Variants in KANK1 observed in about 807,000 individuals in gnomAD.
KANK1 encodes the protein KN motif and ankyrin repeat domains 1, also known as KN motif and ankyrin repeat domain-containing protein 1.
A neutral mutation model predicts 106.2 loss-of-function variants in KANK1; 109 were observed. The observed-to-expected ratio is 1.03, with a 90% CI of 0.88 to 1.20. The LOEUF (loss-of-function observed/expected upper bound fraction) is 1.20. Ranked by LOEUF, KANK1 falls within the 50% of genes most tolerant of loss-of-function variation. The pLI is 0.00. For missense variants in KANK1, 2,399 were observed against 1,710.7 expected, an observed-to-expected ratio of 1.40 and a Z score of -7.10; for synonymous variants, 873 against 652.2, an observed-to-expected ratio of 1.34 and a Z score of -5.16.
Position 480,745 on chromosome 9 carries a change from A to G in KANK1, c.-362+7472A>G, listed in dbSNP as rs138251355. Among the ~76,000 whole-genome samples the G allele has an allele frequency of 1.4e-3, 206 of 152,240 alleles. 1 individual carries two copies. Among genetic ancestry groups the G allele is most frequent in the African/African-American group, 4.6e-3 (191 of 41,548 alleles). ...TAGGCAGGGGAGCCGTGTATTAGAG[A>G]CGTTGTGGGGAAGATCTCCACATTT... On this transcript the variant is annotated intron_variant, in intron 3 of 15. Coordinates refer to the KANK1 transcript ENST00000382303.
At position 713,155 on chromosome 9, in the gene KANK1, G is replaced by A. The variant is rs540922500; in HGVS notation, c.2389G>A (p.Val797Met). Residue 797 changes from valine to methionine, a missense_variant, in exon 3 of 12, where the codon GTG becomes ATG. Val to Met is a conservative substitution (Grantham distance 21). Transcript: ENST00000382297. ...GGGGCTGACAGCCAGCAGAAGGAGC[G>A]TGGGGGTTGGGGATGACCCTGTAGG... ...TVGLTASRRSVGVGDDPVGES... is the reference protein window; with the variant it reads ...TVGLTASRRSMGVGDDPVGES... 66 of 1,591,812 alleles carry A rather than the reference G, an allele frequency of 4.1e-5. 1 individual carries two copies. Among genetic ancestry groups the A allele is most frequent in the South Asian group, 1.7e-4 (15 of 86,382 alleles).
At chr9:691,779 A>T (rs562198828) in intron 2 of KANK1, among the ~76,000 whole-genome samples, 11 of 106,288 alleles carry the variant, frequency 1.0e-4, no homozygotes, top group Non-Finnish European at 2.2e-4. Context: ...ACACCTAGCT[A>T]ATTTTTTTTT....
At chr9:602,710 G>T (rs963984632) in intron 1 of KANK1, among the ~76,000 whole-genome samples, 5 of 151,848 alleles carry the variant, frequency 3.3e-5, no homozygotes, top group Admixed American at 6.5e-5. Context: ...ATAATTTTAT[G>T]TGTGAAGTCT....
At position 711,524 on chromosome 9, in the gene KANK1, C is replaced by T. The variant is rs546089068; in HGVS notation, c.758C>T (p.Thr253Ile). 3.7e-6 allele frequency: 6 copies of T among 1,613,816 alleles called. No individual in the cohort carries two copies. Among genetic ancestry groups the T allele is most frequent in the Non-Finnish European group, 5.1e-6 (6 of 1,179,872 alleles). ...PLSSGISTPVTNVSPMHLQHI... is the reference protein window; with the variant it reads ...PLSSGISTPVINVSPMHLQHI... ...AGCTCAGGGATCTCCACCCCAGTGA[C>T]CAACGTGAGCCCCATGCACCTGCAG... Residue 253 changes from threonine (T) to isoleucine (I), a missense_variant, in exon 3 of 12, where the codon ACC becomes ATC. Transcript: ENST00000382297.
chr9:730,047 A>G lies in KANK1; in HGVS notation c.2699-4A>G, dbSNP rs1831777461. 6.2e-7 allele frequency: 1 copy of G among 1,613,450 alleles called. No individual in the cohort carries two copies. Among genetic ancestry groups the G allele is most frequent in the Non-Finnish European group, 8.5e-7 (1 of 1,179,636 alleles). ...ACACTCTGTACCTTTCTTTTTCCTG[A>G]TAGGCAATTATTTGGGATATACCTG... On this transcript the variant is annotated splice_polypyrimidine_tract_variant and splice_region_variant and intron_variant, in intron 3 of 11. Transcript: ENST00000382297.
intron 1 of KANK1, among the ~76,000 whole-genome samples, chr9:523,161 C>A (rs931345897): frequency 8.6e-5 from 13 of 151,536 alleles, no homozygotes; most frequent in African/African-American, 3.2e-4. Context: ...ACTCCTTCCC[C>A]AGTATCTACA....
At chr9:620,483 A>C (rs147889766) in intron 1 of KANK1, among the ~76,000 whole-genome samples, 3,919 of 152,030 alleles carry the variant, frequency 0.026, 167 homozygotes, top group African/African-American at 0.088. Context: ...GCTCACGGCA[A>C]CCTACACCTC....
At chr9:644,221 C>T (rs530941690) in intron 1 of KANK1, among the ~76,000 whole-genome samples, 1 of 150,980 alleles carries the variant, frequency 6.6e-6, no homozygotes, top group South Asian at 2.1e-4. Flanking sequence ...GGTCTAGAGA[C>T]CGAACTATAG....
At chr9:695,909 C>T (rs1053951019) in intron 2 of KANK1, among the ~76,000 whole-genome samples, 2 of 152,174 alleles carry the variant, frequency 1.3e-5, no homozygotes, top group Non-Finnish European at 2.9e-5. Flanking sequence ...ACTTATTCAT[C>T]AGTAGATGCC....
chr9:579,804 C>T (rs1398465099), intron 1 of KANK1, among the ~76,000 whole-genome samples: 8 of 152,196 alleles, frequency 5.3e-5, no homozygotes, highest in Non-Finnish European at 1.0e-4. Context: ...ATTAACCCCA[C>T]ACTTAGAAAG....
At chr9:635,920 C>G (rs984294054) in intron 1 of KANK1, among the ~76,000 whole-genome samples, 3 of 152,010 alleles carry the variant, frequency 2.0e-5, no homozygotes, top group Admixed American at 6.6e-5. Flanking sequence ...GGTGATCCAC[C>G]TGCATCAGCC....
At chr9:734,621 A>T in intron 6 of KANK1, 127 bp from the exon 7 acceptor site, 1 of 605,972 alleles carries the variant, frequency 1.7e-6, no homozygotes, top group Non-Finnish European at 3.0e-6. Flanking sequence ...AGCCAAGATC[A>T]TGCCACTGCA....
intron 2 of KANK1, among the ~76,000 whole-genome samples, chr9:680,620 C>G (rs1817353630): frequency 6.6e-6 from 1 of 152,062 alleles, no homozygotes; most frequent in African/African-American, 2.4e-5. Context: ...CAGCAGTGAA[C>G]CAAAGAGGCA....
chr9:738,423 G>A lies in KANK1; in HGVS notation c.3472G>A (p.Ala1158Thr), dbSNP rs979757612. Residue 1158 changes from alanine to threonine, a missense_variant, in exon 8 of 12, where the codon GCA becomes ACA. Transcript: ENST00000382297. ...PDVLRYVINL[A>T]DGNGNTALHY... ...TGTCCTCCGCTATGTCATCAACTTG[G>A]CAGACGGCAACGGCAACACAGCCCT... 2.5e-6 allele frequency: 4 copies of A among 1,613,976 alleles called. No homozygotes were observed. The highest frequency in any genetic ancestry group is 3.4e-6 in the Non-Finnish European group (4 of 1,180,020).
At chr9:729,330 G>C (rs1831587373) in intron 3 of KANK1, among the ~76,000 whole-genome samples, 1 of 152,148 alleles carries the variant, frequency 6.6e-6, no homozygotes, top group South Asian at 2.1e-4. Flanking sequence ...TACAAAAGAT[G>C]GGCTGTGAGA....
chr9:734,663 C>T, intron 6 of KANK1, 85 bp from the exon 7 acceptor site: 4 of 934,766 alleles, frequency 4.3e-6, no homozygotes, highest in Non-Finnish European at 6.7e-6. Flanking sequence ...ATGACCCTGT[C>T]TCAAAAAAAA....
intron 3 of KANK1, among the ~76,000 whole-genome samples, chr9:716,697 T>C (rs1165344844): frequency 1.3e-5 from 2 of 152,200 alleles, no homozygotes; most frequent in Non-Finnish European, 2.9e-5. Context: ...GTGTTATTTT[T>C]AGCAGCATCA....
intron 8 of KANK1, among the ~76,000 whole-genome samples, chr9:739,341 G>A (rs920481438): frequency 6.6e-6 from 1 of 152,196 alleles, no homozygotes; most frequent in Non-Finnish European, 1.5e-5. Context: ...CTTAGAATAT[G>A]CAATCATACT....
chr9:529,393 C>T (rs61005319), intron 1 of KANK1, among the ~76,000 whole-genome samples: 41,619 of 151,238 alleles, frequency 0.28, 6,169 homozygotes, highest in East Asian at 0.38. Flanking sequence ...TAGAGATGGG[C>T]TTTCACCATG....
Sources: allele counts gnomAD v4.1 joint callset (sites outside exome capture counted in the v4.1 genomes callset), GRCh38; gene constraint gnomAD v4.1.1; transcripts MANE v1.5; gene names NCBI Gene and HGNC (gene_info 2026-07-23, HGNC 2026-07-21).